Variants in PCGF6 observed in about 807,000 individuals in gnomAD.
The protein encoded by PCGF6 is polycomb group RING finger protein 6.
PCGF6 carries 24 observed loss-of-function variants against 45.5 expected under a neutral mutation model. That is an observed-to-expected ratio of 0.53 (90% CI 0.38 to 0.74). The LOEUF is 0.74. Among genes scored for constraint, PCGF6 ranks in the 30% least tolerant of loss-of-function variants. The probability of loss-of-function intolerance (pLI) is 0.00; values close to 1 mark genes in which losing one functional copy is unlikely to be tolerated. For missense variants in PCGF6, 356 were observed against 443.2 expected (o/e 0.80, Z 1.77); for synonymous variants, 152 against 162.1 (o/e 0.94, Z 0.47).
At chr10:103,326,779 A>C in intron 7 of PCGF6, 147 bp from the exon 8 acceptor site, 1 of 502,520 alleles carries the variant, frequency 2.0e-6, no homozygotes, top group Non-Finnish European at 3.4e-6. Flanking sequence ...CTTACTATGA[A>C]ACAAGTTAAT....
chr10:103,310,100 G>A (rs898516138), intron 9 of PCGF6, among the ~76,000 whole-genome samples: 2 of 151,478 alleles, frequency 1.3e-5, no homozygotes, highest in Middle Eastern at 3.2e-3. Context: ...ACAGGCACCC[G>A]CCACCATGCC....
At chr10:103,319,632 CCT>C (rs2093189291) in intron 8 of PCGF6, among the ~76,000 whole-genome samples, 1 of 152,070 alleles carries the variant, frequency 6.6e-6, no homozygotes, top group African/African-American at 2.4e-5. Flanking sequence ...TTCTGAGTCC[CCT>C]GATGGCATGA....
intron 8 of PCGF6, among the ~76,000 whole-genome samples, chr10:103,325,953 G>C (rs1446399777): frequency 6.6e-6 from 1 of 152,002 alleles, no homozygotes; most frequent in South Asian, 2.1e-4. Context: ...CCCAAGCCCA[G>C]GAAAACCTCA....
At chr10:103,307,449 CAAAA>C (rs374766975) in intron 9 of PCGF6, among the ~76,000 whole-genome samples, 55 of 145,406 alleles carry the variant, frequency 3.8e-4, no homozygotes, top group African/African-American at 1.4e-3. Context: ...GACCCTGTCT[CAAAA>C]AAAAAAGAAA....
At chr10:103,347,978 A>G (rs2093305840) in intron 3 of PCGF6, among the ~76,000 whole-genome samples, 1 of 138,856 alleles carries the variant, frequency 7.2e-6, no homozygotes, top group African/African-American at 2.7e-5. Flanking sequence ...TATTTGTTGA[A>G]TAACAGTAAT....
intron 7 of PCGF6, among the ~76,000 whole-genome samples, chr10:103,331,201 A>G (rs767974461): frequency 2.0e-5 from 3 of 152,148 alleles, no homozygotes; most frequent in Non-Finnish European, 2.9e-5. Flanking sequence ...ATGAAAATAC[A>G]TTTTGTTTAT....
intron 8 of PCGF6, among the ~76,000 whole-genome samples, chr10:103,319,320 T>G: frequency 6.6e-6 from 1 of 151,974 alleles, no homozygotes; most frequent in East Asian, 1.9e-4. Flanking sequence ...GCTAATTTTT[T>G]TTTTGTATTT....
At chr10:103,326,877 GTTTAT>G (rs1190869957) in intron 7 of PCGF6, among the ~76,000 whole-genome samples, 2 of 152,068 alleles carry the variant, frequency 1.3e-5, no homozygotes, top group African/African-American at 4.8e-5. Context: ...AGGCTTGCTG[GTTTAT>G]TTTAATGTTT....
intron 9 of PCGF6, among the ~76,000 whole-genome samples, chr10:103,309,868 C>A (rs1217226325): frequency 6.6e-6 from 1 of 151,988 alleles, no homozygotes; most frequent in Non-Finnish European, 1.5e-5. Context: ...ATTGAGCCCC[C>A]CAGGTTGAGG....
At chr10:103,343,928 C>T (rs935571266) in intron 6 of PCGF6, among the ~76,000 whole-genome samples, 1 of 149,576 alleles carries the variant, frequency 6.7e-6, no homozygotes, top group South Asian at 2.1e-4. Flanking sequence ...AATCTACACT[C>T]GTGGAGAACT....
At chr10:103,313,413 A>G (rs1427785132) in intron 9 of PCGF6, among the ~76,000 whole-genome samples, 1 of 152,142 alleles carries the variant, frequency 6.6e-6, no homozygotes, top group East Asian at 1.9e-4. Flanking sequence ...AAAAATACAA[A>G]AATCAGCCGG....
At chr10:103,347,876 A>G (rs1341252740) in intron 3 of PCGF6, among the ~76,000 whole-genome samples, 4 of 152,196 alleles carry the variant, frequency 2.6e-5, no homozygotes, top group Non-Finnish European at 4.4e-5. Flanking sequence ...TATTCCCTTC[A>G]TAAGAATACG....
chr10:103,330,119 G>A (rs1274056200), intron 7 of PCGF6, among the ~76,000 whole-genome samples: 1 of 151,200 alleles, frequency 6.6e-6, no homozygotes, highest in Non-Finnish European at 1.5e-5. Flanking sequence ...CTTTAGCCCA[G>A]GCTGGAATGC....
chr10:103,336,322 GAT>G (rs1158567240), intron 6 of PCGF6, among the ~76,000 whole-genome samples: 1 of 151,136 alleles, frequency 6.6e-6, no homozygotes, highest in African/African-American at 2.4e-5. Flanking sequence ...ACCTATAAAT[GAT>G]ATATTATTTT....
chr10:103,334,065 A>C, intron 6 of PCGF6, 113 bp from the exon 7 acceptor site: 1 of 703,608 alleles, frequency 1.4e-6, no homozygotes, highest in Non-Finnish European at 2.1e-6. Context: ...ATTCTAGAAC[A>C]CAGTCACCTG....
At chr10:103,309,689 G>C (rs566097040) in intron 9 of PCGF6, among the ~76,000 whole-genome samples, 1 of 152,248 alleles carries the variant, frequency 6.6e-6, no homozygotes, top group African/African-American at 2.4e-5. Flanking sequence ...CCAGCACTTT[G>C]GGAGGCTGAG....
At chr10:103,349,153 T>G (rs2093310634) in intron 1 of PCGF6, among the ~76,000 whole-genome samples, 154 bp from the exon 2 acceptor site, 1 of 152,042 alleles carries the variant, frequency 6.6e-6, no homozygotes. Flanking sequence ...ATTAAAGCGA[T>G]TCTCCTGTCT....
intron 6 of PCGF6, among the ~76,000 whole-genome samples, chr10:103,341,434 TTTTG>T (rs2133593473): frequency 6.6e-6 from 1 of 150,886 alleles, no homozygotes; most frequent in East Asian, 2.0e-4. Flanking sequence ...TTTTTGTATT[TTTTG>T]TTTGTTTTTG....
At chr10:103,326,343 C>A (rs891283751) in intron 8 of PCGF6, among the ~76,000 whole-genome samples, 191 bp downstream of exon 8, 2 of 146,804 alleles carry the variant, frequency 1.4e-5, no homozygotes, top group Non-Finnish European at 3.0e-5. Flanking sequence ...GAGCTGAGAT[C>A]GTGCCACTGC....
Sources: gnomAD v4.1 joint callset for allele counts (sites outside exome capture counted in the v4.1 genomes callset) on GRCh38, gnomAD v4.1.1 for gene constraint, MANE v1.5 for transcripts, NCBI Gene and HGNC (gene_info 2026-07-23, HGNC 2026-07-21) for gene names.